RARB: variants seen among roughly 807,000 people sequenced by gnomAD.
RARB encodes the protein retinoic acid receptor beta, also known as HBV-activated protein.
A neutral mutation model predicts 51.9 loss-of-function variants in RARB; 17 were observed. The observed-to-expected ratio is 0.33, with a 90% confidence interval of 0.22 to 0.49. The LOEUF (loss-of-function observed/expected upper bound fraction) is 0.49, where lower values mean the gene tolerates loss of function less well. RARB is among the 20% of genes least tolerant of loss of function. The probability of loss-of-function intolerance (pLI) is 0.99; values close to 1 mark genes in which losing one functional copy is unlikely to be tolerated. For missense variants in RARB, 369 were observed against 550.8 expected (o/e 0.67, Z 3.30); for synonymous variants, 215 against 195.4 (o/e 1.10, Z -0.84).
intron 2 of RARB, among the ~76,000 whole-genome samples, chr3:24,949,377 G>A (rs1231924735): frequency 6.6e-6 from 1 of 152,186 alleles, no homozygotes; most frequent in Non-Finnish European, 1.5e-5. Context: ...TATTGTACAA[G>A]TAGGTAGACC....
intron 5 of RARB, among the ~76,000 whole-genome samples, chr3:25,256,626 G>A (rs1361564803): frequency 6.6e-6 from 1 of 152,064 alleles, no homozygotes; most frequent in Admixed American, 6.6e-5. Context: ...GCAAATATAA[G>A]TAGAAATGTA....
intron 5 of RARB, among the ~76,000 whole-genome samples, chr3:25,197,499 T>C (rs1334537178): frequency 6.6e-6 from 1 of 151,966 alleles, no homozygotes; most frequent in African/African-American, 2.4e-5. Flanking sequence ...AGGAAGTCAA[T>C]GTATCCTTGT....
Position 25,428,744 on chromosome 3 carries a change from A to G in RARB, c.13A>G (p.Met5Val), listed in dbSNP as rs778791519. Reference protein sequence around the residue: MFDCMDVLSVSPGQI... With the variant: MFDCVDVLSVSPGQI... ...TGCAAGGGAGATCATGTTTGACTGT[A>G]TGGATGTTCTGTCAGTGAGTCCTGG... Residue 5 changes from methionine to valine, a missense_variant, in exon 1 of 8, where the codon ATG (methionine) becomes GTG (valine). Coordinates refer to ENST00000330688, the MANE Select transcript of RARB (RefSeq NM_000965.5). 4 of 1,613,902 alleles carry G rather than the reference A, an allele frequency of 2.5e-6. No homozygotes were observed. The highest frequency in any genetic ancestry group is 1.3e-5 in the African/African-American group (1 of 74,908).
At chr3:24,913,725 G>C (rs762972488) in intron 2 of RARB, among the ~76,000 whole-genome samples, 2 of 152,120 alleles carry the variant, frequency 1.3e-5, no homozygotes, top group Non-Finnish European at 2.9e-5. Context: ...AGCTGGTAAG[G>C]ATAATTAATC....
At chr3:25,540,307 C>A (rs1286770) in intron 3 of RARB, among the ~76,000 whole-genome samples, 1 of 151,998 alleles carries the variant, frequency 6.6e-6, no homozygotes, top group African/African-American at 2.4e-5. Flanking sequence ...GGAAGGAAAG[C>A]GGTTTAGGCT....
intron 5 of RARB, among the ~76,000 whole-genome samples, chr3:25,249,148 T>G (rs756315187): frequency 6.6e-6 from 1 of 152,150 alleles, no homozygotes; most frequent in African/African-American, 2.4e-5. Flanking sequence ...TTTAAAATTT[T>G]TATCTGGTTT....
At chr3:25,128,773 G>T (rs570967010) in intron 3 of RARB, among the ~76,000 whole-genome samples, 136 of 151,680 alleles carry the variant, frequency 9.0e-4, no homozygotes, top group African/African-American at 3.0e-3. Flanking sequence ...GAGAGTTTTA[G>T]GTTAATCACT....
At chr3:25,094,852 A>G (rs1337457263) in intron 3 of RARB, among the ~76,000 whole-genome samples, 1 of 152,166 alleles carries the variant, frequency 6.6e-6, no homozygotes, top group East Asian at 1.9e-4. Flanking sequence ...CACCCTGGGA[A>G]GGACTCTCCT....
chr3:25,260,391 C>A (rs1025171543), intron 5 of RARB, among the ~76,000 whole-genome samples: 1 of 152,102 alleles, frequency 6.6e-6, no homozygotes, highest in African/African-American at 2.4e-5. Context: ...ACCATGCATA[C>A]AAAAACCAAG....
chr3:25,133,137 A>T (rs1160693869), intron 4 of RARB, among the ~76,000 whole-genome samples: 2 of 151,984 alleles, frequency 1.3e-5, no homozygotes, highest in Non-Finnish European at 2.9e-5. Flanking sequence ...TTATCACGTC[A>T]TCCTTAACCA....
intron 5 of RARB, among the ~76,000 whole-genome samples, chr3:25,211,823 TG>T (rs1642759657): frequency 6.6e-6 from 1 of 152,216 alleles, no homozygotes; most frequent in Non-Finnish European, 1.5e-5. Flanking sequence ...GGCCAGATTT[TG>T]TCCATGATCC....
chr3:25,076,176 C>G (rs1322101915), intron 3 of RARB, among the ~76,000 whole-genome samples: 1 of 150,538 alleles, frequency 6.6e-6, no homozygotes, highest in African/African-American at 2.4e-5. Flanking sequence ...AAATCTCTCT[C>G]TGTCGCCCAG....
intron 5 of RARB, among the ~76,000 whole-genome samples, chr3:25,403,390 C>T (rs1316606620): frequency 1.3e-5 from 2 of 152,224 alleles, no homozygotes; most frequent in East Asian, 1.9e-4. Context: ...TATATACTTA[C>T]TGTGTACCCA....
chr3:25,106,370 G>C (rs553747317), intron 3 of RARB, among the ~76,000 whole-genome samples: 2 of 146,572 alleles, frequency 1.4e-5, no homozygotes, highest in East Asian at 4.1e-4. Context: ...TGACCCCTCA[G>C]ATTCAGGTGA....
At chr3:25,221,586 C>G (rs930630032) in intron 5 of RARB, among the ~76,000 whole-genome samples, 9 of 152,148 alleles carry the variant, frequency 5.9e-5, no homozygotes, top group African/African-American at 2.2e-4. Flanking sequence ...GGGTATAAGT[C>G]TAATCCCCCT....
chr3:25,294,624 A>C (rs1054814369), intron 5 of RARB, among the ~76,000 whole-genome samples: 9 of 151,156 alleles, frequency 6.0e-5, no homozygotes, highest in African/African-American at 2.2e-4. Flanking sequence ...TGGGAGCTAA[A>C]ACCACAGAGG....
chr3:25,261,195 C>T lies in RARB; in HGVS notation c.178+86620C>T, dbSNP rs138268938. Among the ~76,000 whole-genome samples, 277 of 152,204 alleles carry T rather than the reference C, an allele frequency of 1.8e-3. 1 individual carries two copies. Among genetic ancestry groups the T allele is most frequent in the African/African-American group, 6.5e-3 (268 of 41,532 alleles). ...AAGAAGTGCTAGTTGCTATTGTCAT[C>T]ATTATTGTAGTTAGATGATGGTCAT... On this transcript the variant is annotated intron_variant, in intron 5 of 11. Coordinates refer to the RARB transcript ENST00000383772.
At chr3:25,116,278 G>A (rs955670639) in intron 3 of RARB, among the ~76,000 whole-genome samples, 21 of 152,100 alleles carry the variant, frequency 1.4e-4, no homozygotes, top group African/African-American at 2.9e-4. Context: ...CACTAGTTTC[G>A]AAATGCTCTA....
intron 1 of RARB, among the ~76,000 whole-genome samples, chr3:25,459,295 C>T (rs1337258077): frequency 6.6e-6 from 1 of 152,142 alleles, no homozygotes; most frequent in African/African-American, 2.4e-5. Context: ...AAATAGTTAT[C>T]ACAATAGCCT....
Sources: allele counts gnomAD v4.1 joint callset (sites outside exome capture counted in the v4.1 genomes callset), GRCh38; gene constraint gnomAD v4.1.1; transcripts MANE v1.5; gene names NCBI Gene and HGNC (gene_info 2026-07-23, HGNC 2026-07-21).